The following TSTD2 variants were observed in gnomAD, a reference collection of about 807,000 sequenced individuals.
TSTD2 encodes the protein thiosulfate sulfurtransferase/rhodanese-like domain-containing protein 2.
TSTD2 carries 37 observed loss-of-function variants against 47.9 expected under a neutral mutation model. The observed-to-expected ratio is 0.77, with a 90% CI of 0.59 to 1.02. TSTD2 has a LOEUF of 1.02. TSTD2 is among the 50% of genes least tolerant of loss of function. TSTD2 has a pLI of 0.00. For synonymous variants in TSTD2, 201 were observed against 215.9 expected (o/e 0.93, Z 0.61); for missense variants, 586 against 616.0 (o/e 0.95, Z 0.52).
chr9:97,619,729 TTGAC>T (rs770908897), intron 3 of TSTD2, among the ~76,000 whole-genome samples: 6 of 152,300 alleles, frequency 3.9e-5, no homozygotes, highest in Admixed American at 6.5e-5. Flanking sequence ...GATGTGTTCA[TTGAC>T]TGTTTACATT....
At chr9:97,609,503 T>A (rs1826422438) in intron 6 of TSTD2, among the ~76,000 whole-genome samples, 1 of 152,152 alleles carries the variant, frequency 6.6e-6, no homozygotes, top group Non-Finnish European at 1.5e-5. Flanking sequence ...TACTGATGAA[T>A]CACAGTGAAT....
In TSTD2 at chr9:97,628,744, C is replaced by T. The variant is rs375970033; in HGVS notation, c.-50-1132G>A. On this transcript the variant is annotated intron_variant, in intron 1 of 9. Transcript: ENST00000341170. Reference sequence around the variant, plus strand: ...TGCTGTATGACTGAGGTTGGGTTCTCAAAAGGATACGCTAGTGCAAGCTCT... The same window carrying T: ...TGCTGTATGACTGAGGTTGGGTTCTTAAAAGGATACGCTAGTGCAAGCTCT... Among the ~76,000 whole-genome samples the T allele has an allele frequency of 7.2e-5, 11 of 152,278 alleles. No individual in the cohort carries two copies. In the East Asian group the frequency reaches 7.7e-4, roughly 11 times the overall value.
At chr9:97,621,225 C>T (rs1230230225) in intron 3 of TSTD2, among the ~76,000 whole-genome samples, 1 of 152,222 alleles carries the variant, frequency 6.6e-6, no homozygotes, top group East Asian at 1.9e-4. Context: ...GGACATTTAT[C>T]ACTTCCCCAA....
intron 1 of TSTD2, among the ~76,000 whole-genome samples, chr9:97,627,959 C>G (rs1211593053): frequency 1.3e-5 from 2 of 152,134 alleles, no homozygotes; most frequent in Non-Finnish European, 2.9e-5. Context: ...GATGGAGAAG[C>G]CCTTCGAACA....
In TSTD2 at chr9:97,600,184, C is replaced by T; in HGVS notation, c.*2285G>A. The stretch of plus-strand genomic sequence containing the variant: ...TAACCCTCCTTGGAATTTTGAAAAC[C>T]TCGATTAAAGTTGCCAAATTGATTA... On this transcript the variant is annotated 3_prime_UTR_variant, in exon 10 of 10. Transcript: ENST00000341170. 1 of 996,066 alleles carries T rather than the reference C, an allele frequency of 1.0e-6. No individual in the cohort carries two copies. The highest frequency in any genetic ancestry group is 1.2e-6 in the Non-Finnish European group (1 of 835,190). The allele number at this position is 996,066 out of a possible 1,614,324, so 61.7% of individuals were successfully genotyped here.
Position 97,600,872 on chromosome 9 carries a change from T to A in TSTD2, c.*1597A>T. ...CAAAAGTGTTAAGCCACAATGCCCTTGTGCCTTTTAATATACCACAGTGCC... is the reference window on the plus strand; with the variant it reads ...CAAAAGTGTTAAGCCACAATGCCCTAGTGCCTTTTAATATACCACAGTGCC... On this transcript the variant is annotated 3_prime_UTR_variant, in exon 10 of 10. Transcript: ENST00000341170. The A allele has an allele frequency of 9.0e-7, 1 of 1,116,180 alleles. No homozygotes were observed. The highest frequency in any genetic ancestry group is 2.0e-5 in the South Asian group (1 of 49,112). 69.1% of individuals were successfully genotyped at this position (1,116,180 alleles called of 1,614,324 possible).
chr9:97,632,088 G>A (rs1488466615), intron 1 of TSTD2, among the ~76,000 whole-genome samples: 2 of 152,106 alleles, frequency 1.3e-5, no homozygotes, highest in African/African-American at 2.4e-5. Context: ...CTGGCACCTA[G>A]GAGGTGCTAA....
chr9:97,615,026 A>G (rs1231402600), intron 4 of TSTD2, among the ~76,000 whole-genome samples: 1 of 152,216 alleles, frequency 6.6e-6, no homozygotes, highest in East Asian at 1.9e-4. Flanking sequence ...AGCAGGTAGG[A>G]TGAAGTATGT....
rs1178378813 is a variant in TSTD2, at chr9:97,600,685, A to G, written c.*1784T>C. On this transcript the variant is annotated 3_prime_UTR_variant, in exon 10 of 10. Transcript: ENST00000341170. ...AAATTGCTGCTGACCTTACGCCTGT[A>G]TATTAAGCCTCCGCAGGATGCCGGA... The G allele has an allele frequency of 5.0e-6, 5 of 1,000,966 alleles. No individual in the cohort carries two copies. Among genetic ancestry groups the G allele is most frequent in the Non-Finnish European group, 3.6e-6 (3 of 839,528 alleles). The allele number at this position is 1,000,966 out of a possible 1,614,324, so 62.0% of individuals were successfully genotyped here.
intron 6 of TSTD2, among the ~76,000 whole-genome samples, chr9:97,609,406 A>G (rs1484202534): frequency 6.6e-6 from 1 of 152,220 alleles, no homozygotes; most frequent in African/African-American, 2.4e-5. Context: ...CTAAAGGTCA[A>G]ATGATCCAGT....
At chr9:97,613,860 G>A (rs990259798) in intron 4 of TSTD2, among the ~76,000 whole-genome samples, 13 of 136,042 alleles carry the variant, frequency 9.6e-5, no homozygotes, top group East Asian at 2.1e-4. Flanking sequence ...ACAGAGTCTC[G>A]CTGTGTCGCC....
intron 4 of TSTD2, among the ~76,000 whole-genome samples, chr9:97,614,849 G>A (rs940313282): frequency 2.0e-5 from 3 of 152,216 alleles, no homozygotes; most frequent in Admixed American, 1.3e-4. Flanking sequence ...CAGTGCTGCA[G>A]TCTAGTGAAG....
intron 4 of TSTD2, 110 bp downstream of exon 4, chr9:97,617,647 T>C: frequency 7.3e-7 from 1 of 1,373,680 alleles, no homozygotes; most frequent in Non-Finnish European, 9.6e-7. Context: ...TTTCCCTAAC[T>C]TTTAAGAACT....
chr9:97,616,167 TTTGC>T (rs1360871792), intron 4 of TSTD2, among the ~76,000 whole-genome samples: 1 of 152,078 alleles, frequency 6.6e-6, no homozygotes, highest in East Asian at 1.9e-4. Context: ...TTGAAGATAG[TTTGC>T]TTGTAAGAAG....
At chr9:97,631,059 CA>C (rs1174730744) in intron 1 of TSTD2, among the ~76,000 whole-genome samples, 1 of 151,908 alleles carries the variant, frequency 6.6e-6, no homozygotes, top group African/African-American at 2.4e-5. Context: ...GTTATTCAGA[CA>C]AAAAAAACTT....
At chr9:97,614,362 T>C (rs1826508186) in intron 4 of TSTD2, among the ~76,000 whole-genome samples, 1 of 149,680 alleles carries the variant, frequency 6.7e-6, no homozygotes, top group Admixed American at 6.6e-5. Flanking sequence ...TCCATGTTTA[T>C]ACATGCACTT....
rs752474380 is a variant in TSTD2, at chr9:97,627,385, A to T, written c.165+13T>A. On this transcript the variant is annotated intron_variant, in intron 2 of 9. Coordinates refer to ENST00000341170, the MANE Select transcript of TSTD2 (RefSeq NM_139246.5). ...ACACATACATGATCATGAAACATTC[A>T]TAAGAATTCTACCTTTTTCTTTGCA... The T allele has an allele frequency of 6.3e-7, 1 of 1,584,640 alleles. No homozygotes were observed. Among genetic ancestry groups the T allele is most frequent in the African/African-American group, 1.4e-5 (1 of 73,838 alleles).
intron 6 of TSTD2, among the ~76,000 whole-genome samples, chr9:97,609,356 CT>C (rs1826419774): frequency 6.6e-6 from 1 of 151,980 alleles, no homozygotes; most frequent in African/African-American, 2.4e-5. Flanking sequence ...AGAAATATAT[CT>C]TGGGAATACA....
intron 4 of TSTD2, among the ~76,000 whole-genome samples, chr9:97,615,483 C>G (rs564513036): frequency 6.6e-6 from 1 of 152,330 alleles, no homozygotes; most frequent in Non-Finnish European, 1.5e-5. Flanking sequence ...TGTATCCCCT[C>G]AAATTTTTTG....
Sources: gnomAD v4.1 joint callset for allele counts (sites outside exome capture counted in the v4.1 genomes callset) on GRCh38, gnomAD v4.1.1 for gene constraint, MANE v1.5 for transcripts, NCBI Gene and HGNC (gene_info 2026-07-23, HGNC 2026-07-21) for gene names.